The following SIRPA variants were observed in gnomAD, a reference collection of about 807,000 sequenced individuals.
SIRPA encodes the protein signal regulatory protein alpha, also known as tyrosine-protein phosphatase non-receptor type substrate 1.
SIRPA carries 9 observed loss-of-function variants against 50.3 expected under a neutral mutation model. The observed-to-expected ratio is 0.18, with a 90% CI of 0.11 to 0.31. The LOEUF is 0.31. Among genes scored for constraint, SIRPA ranks in the 10% least tolerant of loss-of-function variants. SIRPA has a pLI of 1.00. For missense variants in SIRPA, 474 were observed against 661.6 expected (o/e 0.72, Z 3.11); for synonymous variants, 265 against 284.1 (o/e 0.93, Z 0.68).
intron 2 of SIRPA, among the ~76,000 whole-genome samples, chr20:1,918,939 C>T (rs1423487214): frequency 6.6e-6 from 1 of 152,220 alleles, no homozygotes; most frequent in Non-Finnish European, 1.5e-5. Flanking sequence ...TGGGACAAGG[C>T]ACTCCACCAC....
intron 4 of SIRPA, among the ~76,000 whole-genome samples, chr20:1,923,630 G>A (rs1985798451): frequency 7.0e-6 from 1 of 143,666 alleles, no homozygotes; most frequent in African/African-American, 2.4e-5. Flanking sequence ...TTCATGGGAT[G>A]TGTAGGGCAT....
intron 5 of SIRPA, among the ~76,000 whole-genome samples, chr20:1,925,084 G>A (rs376508205): frequency 9.8e-5 from 15 of 152,292 alleles, no homozygotes; most frequent in African/African-American, 3.6e-4. Flanking sequence ...GTTACAAGAT[G>A]TTCATCACTG....
chr20:1,902,464 A>C (rs1306673445), intron 1 of SIRPA, among the ~76,000 whole-genome samples: 1 of 152,198 alleles, frequency 6.6e-6, no homozygotes, highest in Non-Finnish European at 1.5e-5. Context: ...TTAATTGTAA[A>C]TATTCATTCA....
intron 1 of SIRPA, among the ~76,000 whole-genome samples, chr20:1,903,964 C>T (rs1173519158): frequency 6.6e-6 from 1 of 152,166 alleles, no homozygotes; most frequent in Admixed American, 6.5e-5. Context: ...TTGGGCCTCC[C>T]AGGACCTCAG....
At chr20:1,929,144 A>G (rs1986157179) in intron 6 of SIRPA, among the ~76,000 whole-genome samples, 1 of 152,086 alleles carries the variant, frequency 6.6e-6, no homozygotes, top group Non-Finnish European at 1.5e-5. Flanking sequence ...TGGGTGTTAG[A>G]AGGACTCGGG....
At position 1,939,894 on chromosome 20, in the gene SIRPA, A is replaced by G. The variant is rs1486252529; in HGVS notation, c.*2326A>G. On this transcript the variant is annotated 3_prime_UTR_variant, in exon 8 of 8. Transcript: ENST00000358771. This position sits in a 1 kb window ranked among gnomAD's most constrained non-coding sequence, Gnocchi z 4.7. ...TAATAAAGATTTCTGGGTAATAATG[A>G]GTCCTTCCGGTGTTCAGTATTCTTG... 1 of 152,664 alleles carries G rather than the reference A, an allele frequency of 6.6e-6. No individual in the cohort carries two copies. Among genetic ancestry groups the G allele is most frequent in the Admixed American group, 6.5e-5 (1 of 15,290 alleles). 9.5% of individuals were successfully genotyped at this position (152,664 alleles called of 1,614,324 possible). A position where few individuals can be genotyped will look rare whatever the true frequency, so the allele number is the denominator to read the frequency against.
At chr20:1,925,343 A>T (rs1187902955) in intron 5 of SIRPA, among the ~76,000 whole-genome samples, 1 of 152,214 alleles carries the variant, frequency 6.6e-6, no homozygotes, top group African/African-American at 2.4e-5. Context: ...ATTGCATGGG[A>T]AATGTTAGGG....
In SIRPA at chr20:1,934,651, T is replaced by C. The variant is rs1011575701; in HGVS notation, c.1227-64T>C. On this transcript the variant is annotated intron_variant, in intron 6 of 7. Transcript: ENST00000358771. This position sits in a 1 kb window ranked among gnomAD's most constrained non-coding sequence, Gnocchi z 4.6. ...AAATGGAGCCTAAATGTTATTCTTA[T>C]CAGTTTGCATGAGCACTTGAGATAG... The C allele has an allele frequency of 6.0e-6, 9 of 1,510,532 alleles. No homozygotes were observed. The highest frequency in any genetic ancestry group is 1.4e-5 in the African/African-American group (1 of 72,688). The allele number at this position is 1,510,532 out of a possible 1,614,324, so 93.6% of individuals were successfully genotyped here. A position where few individuals can be genotyped will look rare whatever the true frequency, so the allele number is the denominator to read the frequency against.
rs1237080840 is a variant in SIRPA at position 1,924,322 on chromosome 20, G to A, written c.1088-442G>A. ...GCCCAGTGTGCATGGCCCAGGTGCT[G>A]GGCACAGACCGGTCGTCAGCCCCTG... is the stretch of plus-strand genomic sequence containing the variant. On this transcript the variant is annotated intron_variant, in intron 4 of 7. Coordinates refer to ENST00000358771, the MANE Select transcript of SIRPA (RefSeq NM_001040023.2). The surrounding 1 kb of genome is among the most constrained non-coding windows in gnomAD (Gnocchi z 4.5). Among the ~76,000 whole-genome samples the A allele has an allele frequency of 1.3e-5, 2 of 152,126 alleles. No homozygotes were observed. The highest frequency in any genetic ancestry group is 2.9e-5 in the Non-Finnish European group (2 of 67,998).
rs941843579 is a variant in SIRPA, at chr20:1,927,881, G to T, written c.1208G>T (p.Gly403Val). Reference protein sequence around the residue: ...LVRIRQKKAQGSTSSTRLHEP... With the variant: ...LVRIRQKKAQVSTSSTRLHEP... ...TGTTTCTTTTGTCTTTCAGCCCAGGGCTCCACTTCTTCTACAAGGTAAGTG... is the reference window on the plus strand; with the variant it reads ...TGTTTCTTTTGTCTTTCAGCCCAGGTCTCCACTTCTTCTACAAGGTAAGTG... The change falls in exon 6 of 8, where the codon GGC (glycine) becomes GTC (valine). Residue 403 changes from glycine (G) to valine (V), a missense_variant. Coordinates refer to ENST00000358771, the MANE Select transcript of SIRPA (RefSeq NM_001040023.2). This position sits in a 1 kb window ranked among gnomAD's most constrained non-coding sequence, Gnocchi z 6.5. The T allele has an allele frequency of 6.2e-7, 1 of 1,613,992 alleles. No individual in the cohort carries two copies. Among genetic ancestry groups the T allele is most frequent in the Non-Finnish European group, 8.5e-7 (1 of 1,179,860 alleles).
intron 4 of SIRPA, among the ~76,000 whole-genome samples, chr20:1,923,204 G>C (rs959733293): frequency 1.3e-5 from 2 of 152,258 alleles, no homozygotes; most frequent in African/African-American, 4.8e-5. Flanking sequence ...GTAAGGAGGA[G>C]ATAATGCTGT....
At chr20:1,899,932 A>C (rs1480215005) in intron 1 of SIRPA, among the ~76,000 whole-genome samples, 1 of 152,218 alleles carries the variant, frequency 6.6e-6, no homozygotes, top group Admixed American at 6.5e-5. Context: ...CAGTGTTGTA[A>C]TTAGCATGGC....
chr20:1,931,063 T>C (rs1469307830), intron 6 of SIRPA, among the ~76,000 whole-genome samples: 1 of 152,238 alleles, frequency 6.6e-6, no homozygotes, highest in Non-Finnish European at 1.5e-5. Context: ...GTGATTTTAA[T>C]TCTTGCAGGA....
At chr20:1,930,578 T>G (rs4814766) in intron 6 of SIRPA, among the ~76,000 whole-genome samples, 126,612 of 152,162 alleles carry the variant, frequency 0.83, 53,091 homozygotes, top group Middle Eastern at 0.88. Context: ...TTTTGTTTTT[T>G]TTGTTGTTAT....
At chr20:1,918,175 T>C (rs1424422078) in intron 2 of SIRPA, among the ~76,000 whole-genome samples, 3 of 149,172 alleles carry the variant, frequency 2.0e-5, no homozygotes, top group African/African-American at 7.5e-5. Context: ...CACCCCCAAA[T>C]CAAGGTTTTT....
In SIRPA at chr20:1,927,740, T is replaced by C; in HGVS notation, c.1202-135T>C. On this transcript the variant is annotated intron_variant, in intron 5 of 7. Coordinates refer to ENST00000358771, the MANE Select transcript of SIRPA (RefSeq NM_001040023.2). The surrounding 1 kb of genome is among the most constrained non-coding windows in gnomAD (Gnocchi z 6.5). ...TGCCCACTGGGTGGGCATGGGGGTC[T>C]CCTGTGGTTCCAAGGATGTGATTAC... is the stretch of plus-strand genomic sequence containing the variant. 1.3e-6 allele frequency: 1 copy of C among 792,272 alleles called. No homozygotes were observed. The highest frequency in any genetic ancestry group is 2.2e-6 in the Non-Finnish European group (1 of 446,466). 49.1% of individuals were successfully genotyped at this position (792,272 alleles called of 1,614,324 possible).
chr20:1,912,923 C>G (rs969118987), intron 1 of SIRPA, among the ~76,000 whole-genome samples: 1 of 152,234 alleles, frequency 6.6e-6, no homozygotes, highest in Non-Finnish European at 1.5e-5. Context: ...CTGATGTCCC[C>G]GCCTGGATGG....
At chr20:1,909,863 C>T (rs1432983699) in intron 1 of SIRPA, among the ~76,000 whole-genome samples, 1 of 152,228 alleles carries the variant, frequency 6.6e-6, no homozygotes, top group Non-Finnish European at 1.5e-5. Context: ...AAGCCACACA[C>T]ATGAACATTG....
chr20:1,934,644 A>G lies in SIRPA; in HGVS notation c.1227-71A>G. On this transcript the variant is annotated intron_variant, in intron 6 of 7. Transcript: ENST00000358771. The surrounding 1 kb of genome is among the most constrained non-coding windows in gnomAD (Gnocchi z 4.6). Reference sequence around the variant, plus strand: ...ATATAGAAAATGGAGCCTAAATGTTATTCTTATCAGTTTGCATGAGCACTT... The same window carrying G: ...ATATAGAAAATGGAGCCTAAATGTTGTTCTTATCAGTTTGCATGAGCACTT... The G allele has an allele frequency of 5.4e-6, 8 of 1,476,866 alleles. No homozygotes were observed. The East Asian group carries it at 9.1e-5, about 17-fold the overall frequency. 91.5% of individuals were successfully genotyped at this position (1,476,866 alleles called of 1,614,324 possible).
Sources: allele counts gnomAD v4.1 joint callset (sites outside exome capture counted in the v4.1 genomes callset), GRCh38; gene constraint gnomAD v4.1.1; non-coding constraint Gnocchi (gnomAD v3.1); transcripts MANE v1.5; gene names NCBI Gene and HGNC (gene_info 2026-07-23, HGNC 2026-07-21).